TMEM45A: variants seen among roughly 807,000 people sequenced by gnomAD.
TMEM45A encodes the protein transmembrane protein 45A, also known as DNA polymerase-transactivated protein 4.
In TMEM45A, 25 loss-of-function variants were observed where a neutral mutation model predicts 32.0. The observed-to-expected ratio is 0.78, with a 90% confidence interval of 0.57 to 1.09. TMEM45A has a LOEUF of 1.09. Ranked by LOEUF, TMEM45A falls within the 50% of genes least tolerant of loss-of-function variation. The pLI is 0.00. For synonymous variants in TMEM45A, 122 were observed against 114.8 expected, an observed-to-expected ratio of 1.06 and a Z score of -0.40; for missense variants, 302 against 325.0, an observed-to-expected ratio of 0.93 and a Z score of 0.54.
chr3:100,563,102 C>T (rs1706367772), intron 4 of TMEM45A, among the ~76,000 whole-genome samples: 1 of 152,174 alleles, frequency 6.6e-6, no homozygotes, highest in Non-Finnish European at 1.5e-5. Flanking sequence ...TTCTTGGGGT[C>T]CAGAGGGAGA....
intron 1 of TMEM45A, among the ~76,000 whole-genome samples, chr3:100,549,098 A>C (rs1247728278): frequency 6.6e-6 from 1 of 152,056 alleles, no homozygotes; most frequent in Non-Finnish European, 1.5e-5. Context: ...AAATACAAAA[A>C]TTAGCTGGTA....
chr3:100,554,580 A>G (rs1049418919), intron 1 of TMEM45A, among the ~76,000 whole-genome samples: 5 of 152,244 alleles, frequency 3.3e-5, no homozygotes, highest in African/African-American at 1.2e-4. Context: ...GAGGCTGGGA[A>G]AGAGTGGGGA....
chr3:100,511,507 C>T (rs886875744), intron 1 of TMEM45A, among the ~76,000 whole-genome samples: 7 of 151,946 alleles, frequency 4.6e-5, no homozygotes, highest in South Asian at 2.1e-4. Flanking sequence ...TGGTACCAGC[C>T]GCTGCAAAAT....
chr3:100,499,568 T>C (rs984374847), intron 1 of TMEM45A, among the ~76,000 whole-genome samples: 4 of 152,230 alleles, frequency 2.6e-5, no homozygotes, highest in African/African-American at 4.8e-5. Context: ...TTTTTTCTTA[T>C]AGAATTACTA....
chr3:100,540,603 G>T (rs1408005807), intron 1 of TMEM45A, among the ~76,000 whole-genome samples: 1 of 152,202 alleles, frequency 6.6e-6, no homozygotes, highest in East Asian at 1.9e-4. Flanking sequence ...ATGCAACATG[G>T]TACAGCTAGT....
intron 1 of TMEM45A, among the ~76,000 whole-genome samples, chr3:100,494,580 C>A (rs1488883569): frequency 1.3e-5 from 2 of 152,038 alleles, no homozygotes; most frequent in Admixed American, 1.3e-4. Context: ...CAAGATCACG[C>A]CACTGCACTC....
chr3:100,553,251 A>G (rs894224424), intron 1 of TMEM45A, among the ~76,000 whole-genome samples: 5 of 152,236 alleles, frequency 3.3e-5, no homozygotes, highest in African/African-American at 9.6e-5. Flanking sequence ...TAAAGTTGGT[A>G]TTCGGACTTA....
chr3:100,543,722 A>T (rs938034198), intron 1 of TMEM45A, among the ~76,000 whole-genome samples: 1 of 152,132 alleles, frequency 6.6e-6, no homozygotes, highest in East Asian at 1.9e-4. Context: ...AAAAAATTAC[A>T]TTCCCTAGTA....
At chr3:100,496,703 C>T (rs1284408670) in intron 1 of TMEM45A, among the ~76,000 whole-genome samples, 1 of 152,208 alleles carries the variant, frequency 6.6e-6, no homozygotes, top group Non-Finnish European at 1.5e-5. Context: ...TCATTGCAGG[C>T]ATGCACTCTG....
intron 1 of TMEM45A, among the ~76,000 whole-genome samples, chr3:100,503,038 C>T (rs1198928976): frequency 6.6e-6 from 1 of 151,738 alleles, no homozygotes; most frequent in East Asian, 1.9e-4. Context: ...CCTCCTCCTT[C>T]TTCTTCTCCT....
intron 1 of TMEM45A, among the ~76,000 whole-genome samples, chr3:100,511,620 A>G (rs1708163167): frequency 1.3e-5 from 2 of 152,058 alleles, no homozygotes; most frequent in Admixed American, 1.3e-4. Context: ...TTCACACATA[A>G]CAATATTAAC....
At chr3:100,537,186 G>A (rs1309492982) in intron 1 of TMEM45A, among the ~76,000 whole-genome samples, 1 of 152,090 alleles carries the variant, frequency 6.6e-6, no homozygotes, top group Non-Finnish European at 1.5e-5. Context: ...GCCTCCCAAA[G>A]TGCTGGGATT....
At chr3:100,504,933 T>A (rs1708058790) in intron 1 of TMEM45A, among the ~76,000 whole-genome samples, 1 of 152,226 alleles carries the variant, frequency 6.6e-6, no homozygotes, top group African/African-American at 2.4e-5. Flanking sequence ...GCCTGTATTC[T>A]GTTGAAGTCT....
intron 5 of TMEM45A, among the ~76,000 whole-genome samples, chr3:100,575,042 A>G (rs1706652890): frequency 6.6e-6 from 1 of 152,202 alleles, no homozygotes; most frequent in Non-Finnish European, 1.5e-5. Flanking sequence ...TTCATCAGAA[A>G]AAATATAGCA....
chr3:100,497,826 T>G (rs558492137), intron 1 of TMEM45A, among the ~76,000 whole-genome samples: 1 of 152,368 alleles, frequency 6.6e-6, no homozygotes, highest in South Asian at 2.1e-4. Flanking sequence ...GGACTTAGGT[T>G]GTTTTCACCT....
chr3:100,544,610 G>A (rs1362251176), intron 1 of TMEM45A, among the ~76,000 whole-genome samples: 2 of 152,142 alleles, frequency 1.3e-5, no homozygotes, highest in African/African-American at 4.8e-5. Flanking sequence ...ATGGAACTAT[G>A]CAGTAAGTAC....
chr3:100,572,640 A>G (rs1236414866), intron 5 of TMEM45A: 1 of 151,958 alleles, frequency 6.6e-6, no homozygotes, highest in Admixed American at 6.6e-5. Context: ...TTTTGTTGCC[A>G]TTGCTTTTGG....
At chr3:100,548,473 C>T (rs1706024820) in intron 1 of TMEM45A, among the ~76,000 whole-genome samples, 1 of 152,184 alleles carries the variant, frequency 6.6e-6, no homozygotes. Context: ...TCACTTCTTT[C>T]TTGATTTCAC....
chr3:100,525,520 T>C (rs2148951663), intron 1 of TMEM45A, among the ~76,000 whole-genome samples: 1 of 152,348 alleles, frequency 6.6e-6, no homozygotes. Flanking sequence ...CACATTGTGA[T>C]GCATACTGTG....
Sources: gnomAD v4.1 joint callset for allele counts (sites outside exome capture counted in the v4.1 genomes callset) on GRCh38, gnomAD v4.1.1 for gene constraint, MANE v1.5 for transcripts, NCBI Gene and HGNC (gene_info 2026-07-23, HGNC 2026-07-21) for gene names.